Variants in ADGRF3 observed in about 807,000 individuals in gnomAD.
The protein encoded by ADGRF3 is adhesion G protein-coupled receptor F3, also known as G protein-coupled receptor 113.
Under a neutral mutation model 93.2 loss-of-function variants are expected in ADGRF3, and 85 were observed. That is an observed-to-expected ratio of 0.91 (90% CI 0.77 to 1.09). The LOEUF is 1.09. Ranked by LOEUF, ADGRF3 falls within the 50% of genes least tolerant of loss-of-function variation. The pLI, the probability that ADGRF3 is intolerant of heterozygous loss-of-function variation, is 0.00. For missense variants in ADGRF3, 1,125 were observed against 1,246.2 expected (o/e 0.90, Z 1.46); for synonymous variants, 534 against 532.5 (o/e 1.00, Z -0.04).
rs757431614 is a variant in ADGRF3, at chr2:26,312,087, A to G, written c.1450-13T>C. On this transcript the variant is annotated splice_polypyrimidine_tract_variant and intron_variant, in intron 9 of 13. Transcript: ENST00000651242. ...CAATCAGGAGATTCTGCAGCACCCA[A>G]AAGAAAGATGAACCCCGTCTGCTGG... The G allele has an allele frequency of 6.9e-6, 11 of 1,594,322 alleles. No individual in the cohort carries two copies. In the South Asian group the frequency reaches 1.2e-4, roughly 18 times the overall value.
Position 26,346,429 on chromosome 2 carries a change from G to T in ADGRF3, c.-195C>A. ...CGGGCGTTCCTCCGGAGGTCCTGCGGGTCCTGGGGATTGGGGGTCGGGGAG... is the reference window on the plus strand; with the variant it reads ...CGGGCGTTCCTCCGGAGGTCCTGCGTGTCCTGGGGATTGGGGGTCGGGGAG... On this transcript the variant is annotated 5_prime_UTR_variant, in exon 1 of 14. Coordinates refer to ENST00000651242, the MANE Select transcript of ADGRF3 (RefSeq NM_001321971.2). 1 of 1,071,842 alleles carries T rather than the reference G, an allele frequency of 9.3e-7. No homozygotes were observed. Among genetic ancestry groups the T allele is most frequent in the Admixed American group, 3.2e-5 (1 of 31,030 alleles). The allele number at this position is 1,071,842 out of a possible 1,614,324, so 66.4% of individuals were successfully genotyped here.
Position 26,308,239 on chromosome 2 carries a change from T to C in ADGRF3, c.*847A>G, listed in dbSNP as rs1476490524. 6.6e-6 allele frequency: 1 copy of C among 152,144 alleles called. No homozygotes were observed. The highest frequency in any genetic ancestry group is 6.5e-5 in the Admixed American group (1 of 15,274). The allele number at this position is 152,144 out of a possible 1,614,324, so 9.4% of individuals were successfully genotyped here. On this transcript the variant is annotated 3_prime_UTR_variant, in exon 14 of 14. Coordinates refer to ENST00000651242, the MANE Select transcript of ADGRF3 (RefSeq NM_001321971.2). The stretch of plus-strand genomic sequence containing the variant: ...CGTCCCATTTTATAAAAAATATCCA[T>C]GAATTGCATAATTAACAAAGACCGA...
At chr2:26,316,825 G>A in intron 3 of ADGRF3, 87 bp downstream of exon 3, 1 of 1,414,022 alleles carries the variant, frequency 7.1e-7, no homozygotes. Flanking sequence ...ATACAGAGGG[G>A]CTCACAGAGT....
chr2:26,314,335 G>C (rs574244212), intron 6 of ADGRF3, 79 bp downstream of exon 6: 5 of 1,344,192 alleles, frequency 3.7e-6, no homozygotes, highest in Non-Finnish European at 5.1e-6. Flanking sequence ...TGTTTCTCAT[G>C]AGCTGAAGAC....
In ADGRF3 at chr2:26,315,625, C is replaced by T. The variant is rs1275479392; in HGVS notation, c.615G>A (p.Gly205=). The change falls in exon 5 of 14, where the codon GGG becomes GGA. Residue 205 remains glycine, a synonymous_variant. Transcript: ENST00000651242. ...GCTGCAGGAGGATGGGACTGGGGCT[C>T]CCTGGGTGCCTCAGGAACCAGCTCA... ...TNLSWFLRHP[G]SPSPILLQPG... is the part of the protein sequence containing the mutation. The T allele has an allele frequency of 2.6e-6, 4 of 1,551,600 alleles. No homozygotes were observed. Among genetic ancestry groups the T allele is most frequent in the Non-Finnish European group, 3.5e-6 (4 of 1,146,988 alleles).
At chr2:26,309,972 G>T (rs1359927477) in intron 12 of ADGRF3, 71 bp downstream of exon 12, 1 of 1,614,010 alleles carries the variant, frequency 6.2e-7, no homozygotes, top group East Asian at 2.2e-5. Context: ...CATGTCCTCT[G>T]AGGAGGGCCA....
Position 26,310,219 on chromosome 2 carries a change from A to T in ADGRF3, c.2851T>A (p.Phe951Ile). 6.2e-7 allele frequency: 1 copy of T among 1,614,038 alleles called. No individual in the cohort carries two copies. The highest frequency in any genetic ancestry group is 1.3e-5 in the African/African-American group (1 of 75,060). Residue 951 changes from phenylalanine (F) to isoleucine (I), a missense_variant, in exon 11 of 14, where the codon TTT becomes ATT. Coordinates refer to ENST00000651242, the MANE Select transcript of ADGRF3 (RefSeq NM_001321971.2). ...ACCTTCCTGTCCATGAGGCAACCAA[A>T]CAATAGGATGAAGACGCCCTGAGAA... ...NTLQGVFILL[F>I]GCLMDRKIQE... is the part of the protein sequence containing the mutation.
intron 9 of ADGRF3, among the ~76,000 whole-genome samples, chr2:26,312,450 G>T (rs1055631473): frequency 2.6e-5 from 4 of 152,208 alleles, no homozygotes; most frequent in South Asian, 2.1e-4. Context: ...AGAGGGCACC[G>T]TGTCCTGGAG....
chr2:26,308,490 A>G lies in ADGRF3; in HGVS notation c.*596T>C, dbSNP rs183351902. On this transcript the variant is annotated 3_prime_UTR_variant, in exon 14 of 14. Coordinates refer to ENST00000651242, the MANE Select transcript of ADGRF3 (RefSeq NM_001321971.2). The stretch of plus-strand genomic sequence containing the variant: ...CTATTCTTACAACGTGCTCATATCA[A>G]TCAATGCCTCTATACATGGATATGG... 1.3e-5 allele frequency: 2 copies of G among 152,304 alleles called. No homozygotes were observed. The highest frequency in any genetic ancestry group is 1.3e-4 in the Admixed American group (2 of 15,300). The allele number at this position is 152,304 out of a possible 1,614,324, so 9.4% of individuals were successfully genotyped here.
Position 26,314,478 on chromosome 2 carries a change from G to A in ADGRF3, c.864C>T (p.Ser288=), listed in dbSNP as rs759352742. The A allele has an allele frequency of 3.1e-6, 5 of 1,614,056 alleles. No individual in the cohort carries two copies. The highest frequency in any genetic ancestry group is 4.2e-6 in the Non-Finnish European group (5 of 1,179,888). The part of the protein sequence containing the change: ...SCATSPGFQL[S]CCIPSTNLAY... Reference sequence around the variant, plus strand: ...CCAGGTTTGTGCTGGGGATGCAGCAGCTCAGCTGGAAGCCAGGGGAGGTGG... The same window carrying A: ...CCAGGTTTGTGCTGGGGATGCAGCAACTCAGCTGGAAGCCAGGGGAGGTGG... The change falls in exon 6 of 14, where the codon AGC becomes AGT. Residue 288 remains serine, a synonymous_variant. Transcript: ENST00000651242.
chr2:26,319,258 G>A (rs1245291338), intron 1 of ADGRF3, among the ~76,000 whole-genome samples: 1 of 152,166 alleles, frequency 6.6e-6, no homozygotes, highest in Non-Finnish European at 1.5e-5. Flanking sequence ...AGTGAGAATG[G>A]TGCCCAGGCT....
rs114938027 is a variant in ADGRF3, at chr2:26,311,586, G to A, written c.1938C>T (p.His646=). 21,868 of 1,613,896 alleles carry A rather than the reference G, an allele frequency of 0.014. 185 individuals carry two copies. Among genetic ancestry groups the A allele is most frequent in the Non-Finnish European group, 0.015 (17,765 of 1,179,898 alleles). Residue 646 remains histidine (H), a synonymous_variant, in exon 10 of 14, where the codon CAC becomes CAT. Transcript: ENST00000651242. ...AGAGACTGTGATCCCAGAAGACACA[G>A]TGAGGGGAACCATCTGTGTTCCCAA... ...MDFGNTDGSP[H]CVFWDHSLFQ... is the part of the protein sequence containing the mutation.
intron 1 of ADGRF3, among the ~76,000 whole-genome samples, chr2:26,329,285 C>T (rs562423143): frequency 3.9e-5 from 6 of 152,254 alleles, no homozygotes; most frequent in Middle Eastern, 3.4e-3. Flanking sequence ...TGTGTCATCA[C>T]GCTTGGCTAA....
Position 26,314,445 on chromosome 2 carries a change from G to A in ADGRF3, c.897C>T (p.Thr299=), listed in dbSNP as rs140130768. 515 of 1,613,848 alleles carry A rather than the reference G, an allele frequency of 3.2e-4. 1 individual carries two copies. Among genetic ancestry groups the A allele is most frequent in the Non-Finnish European group, 4.1e-4 (484 of 1,179,906 alleles). The change falls in exon 6 of 14, where the codon ACC becomes ACT. Residue 299 remains threonine (T), a synonymous_variant. Coordinates refer to ENST00000651242, the MANE Select transcript of ADGRF3 (RefSeq NM_001321971.2). The part of the protein sequence containing the change: ...CCIPSTNLAY[T]AAWSPGEGSK... ...TGCCCTCTCCAGGGCTCCAGGCCGC[G>A]GTGTAGGCCAGGTTTGTGCTGGGGA...
chr2:26,345,590 T>TA (rs1310341630), intron 1 of ADGRF3: 1 of 154,210 alleles, frequency 6.5e-6, no homozygotes, highest in Non-Finnish European at 1.4e-5. Context: ...TCTCTACATC[T>TA]AACCACGTTT....
chr2:26,331,937 A>G (rs1334687886), intron 1 of ADGRF3, among the ~76,000 whole-genome samples: 1 of 152,124 alleles, frequency 6.6e-6, no homozygotes, highest in Non-Finnish European at 1.5e-5. Context: ...TATTTAGTCC[A>G]CTTTTTCTGC....
At chr2:26,326,444 T>C (rs970977671) in intron 1 of ADGRF3, among the ~76,000 whole-genome samples, 1 of 152,128 alleles carries the variant, frequency 6.6e-6, no homozygotes, top group East Asian at 1.9e-4. Flanking sequence ...TGGAAGTTCC[T>C]TTCCCTCTGT....
chr2:26,329,149 T>G (rs1021280162), intron 1 of ADGRF3, among the ~76,000 whole-genome samples: 2 of 152,236 alleles, frequency 1.3e-5, no homozygotes, highest in African/African-American at 2.4e-5. Flanking sequence ...ATGTAATTAT[T>G]TTTTGAGACA....
chr2:26,311,540 A>G lies in ADGRF3; in HGVS notation c.1984T>C (p.Ser662Pro), dbSNP rs1674133083. 1.2e-6 allele frequency: 2 copies of G among 1,613,772 alleles called. No individual in the cohort carries two copies. Among genetic ancestry groups the G allele is most frequent in the Non-Finnish European group, 1.7e-6 (2 of 1,179,712 alleles). The change falls in exon 10 of 14, where the codon TCC becomes CCC. Residue 662 changes from serine to proline, a missense_variant. By Grantham distance (74) the Ser-to-Pro change is moderately conservative. Coordinates refer to ENST00000651242, the MANE Select transcript of ADGRF3 (RefSeq NM_001321971.2). ...HSLFQGRGGW[S>P]KEGCQAQVAS... ...ACCTGTGCCTGGCACCCTTCTTTGG[A>G]CCAACCCCCCCTGCCCTGGAAGAGA...
Sources: gnomAD v4.1 joint callset for allele counts (sites outside exome capture counted in the v4.1 genomes callset) on GRCh38, gnomAD v4.1.1 for gene constraint, MANE v1.5 for transcripts, NCBI Gene and HGNC (gene_info 2026-07-23, HGNC 2026-07-21) for gene names.